The following MECOM variants were observed in gnomAD, a reference collection of about 807,000 sequenced individuals.
MECOM encodes MDS1 and EVI1 complex locus.
A neutral mutation model predicts 116.3 loss-of-function variants in MECOM; 13 were observed. The observed-to-expected ratio is 0.11, with a 90% CI of 0.07 to 0.18. The LOEUF is 0.18. Among genes scored for constraint, MECOM ranks in the 10% least tolerant of loss-of-function variants. MECOM has a pLI of 1.00. For synonymous variants in MECOM, 528 were observed against 535.2 expected, an observed-to-expected ratio of 0.99 and a Z score of 0.19; for missense variants, 1,299 against 1,509.0, an observed-to-expected ratio of 0.86 and a Z score of 2.31.
At chr3:169,396,669 G>T (rs557720962) in intron 1 of MECOM, among the ~76,000 whole-genome samples, 1 of 152,248 alleles carries the variant, frequency 6.6e-6, no homozygotes, top group African/African-American at 2.4e-5. Context: ...ATGACACCAA[G>T]TTATATTAAG....
At chr3:169,257,936 A>G (rs1757046716) in intron 2 of MECOM, among the ~76,000 whole-genome samples, 1 of 152,242 alleles carries the variant, frequency 6.6e-6, no homozygotes, top group Non-Finnish European at 1.5e-5. Context: ...TGTAAGAAAA[A>G]GTAGCCGGGC....
chr3:169,516,288 C>T (rs576631035), intron 1 of MECOM, among the ~76,000 whole-genome samples: 13 of 152,226 alleles, frequency 8.5e-5, no homozygotes, highest in African/African-American at 2.6e-4. Flanking sequence ...ATAGAAAATA[C>T]GTGAAAAGTT....
intron 1 of MECOM, among the ~76,000 whole-genome samples, chr3:169,517,727 CAAGAAGAGA>C (rs1313015066): frequency 6.6e-6 from 1 of 152,148 alleles, no homozygotes; most frequent in African/African-American, 2.4e-5. Context: ...ACTCCCAAAA[CAAGAAGAGA>C]CCAGTGAAAG....
intron 2 of MECOM, among the ~76,000 whole-genome samples, chr3:169,311,986 C>A (rs1040668477): frequency 2.0e-5 from 3 of 152,138 alleles, no homozygotes; most frequent in South Asian, 2.1e-4. Context: ...GGTGATTACA[C>A]AGGAGTAGGT....
chr3:169,085,973 C>G (rs1282767862), intron 16 of MECOM, among the ~76,000 whole-genome samples: 1 of 152,172 alleles, frequency 6.6e-6, no homozygotes, highest in Non-Finnish European at 1.5e-5. Context: ...TCATTAAAGT[C>G]CTGCCAAAGA....
At chr3:169,622,720 T>G (rs1412073803) in intron 1 of MECOM, among the ~76,000 whole-genome samples, 1 of 152,180 alleles carries the variant, frequency 6.6e-6, no homozygotes, top group Non-Finnish European at 1.5e-5. Context: ...CCTGGCACTG[T>G]GTTGGCACCA....
intron 9 of MECOM, among the ~76,000 whole-genome samples, chr3:169,110,555 C>T (rs1259871637): frequency 1.3e-5 from 2 of 152,100 alleles, no homozygotes; most frequent in African/African-American, 2.4e-5. Context: ...CTGTAATAGT[C>T]GGTAAATAGC....
At chr3:169,537,853 TG>T (rs1162259580) in intron 1 of MECOM, among the ~76,000 whole-genome samples, 1 of 152,178 alleles carries the variant, frequency 6.6e-6, no homozygotes, top group Non-Finnish European at 1.5e-5. Context: ...TTGATAATAC[TG>T]GGATTTAACA....
Position 169,114,669 on chromosome 3 carries a change from C to T in MECOM, c.2489+714G>A, listed in dbSNP as rs147167057. ...GTAACAAACATATTATTATTCATAC[C>T]CATTTAAAGAAAACTAGTATTTTAA... is the stretch of plus-strand genomic sequence containing the variant. On this transcript the variant is annotated intron_variant, in intron 8 of 16. Coordinates refer to ENST00000651503, the MANE Select transcript of MECOM (RefSeq NM_004991.4). 6.6e-5 allele frequency among the ~76,000 whole-genome samples: 10 copies of T among 151,704 alleles called. No homozygotes were observed. In the East Asian group the frequency reaches 1.9e-3, roughly 29 times the overall value.
chr3:169,277,985 G>A (rs1759823613), intron 2 of MECOM, among the ~76,000 whole-genome samples: 1 of 152,086 alleles, frequency 6.6e-6, no homozygotes, highest in African/African-American at 2.4e-5. Context: ...TTTCTAAAGT[G>A]GACCAACTTA....
At chr3:169,298,549 A>C (rs1716080689) in intron 2 of MECOM, among the ~76,000 whole-genome samples, 1 of 152,090 alleles carries the variant, frequency 6.6e-6, no homozygotes, top group Admixed American at 6.6e-5. Context: ...ATTAGTATTT[A>C]ATTCAAATCA....
At chr3:169,655,784 G>A (rs1234433421) in intron 1 of MECOM, among the ~76,000 whole-genome samples, 4 of 151,514 alleles carry the variant, frequency 2.6e-5, no homozygotes, top group Non-Finnish European at 5.9e-5. Context: ...AAACAGGAGG[G>A]GAAAAAAAAG....
At chr3:169,087,582 G>T (rs1157225303) in intron 16 of MECOM, among the ~76,000 whole-genome samples, 1 of 152,126 alleles carries the variant, frequency 6.6e-6, no homozygotes, top group African/African-American at 2.4e-5. Flanking sequence ...TAGCAGCTGA[G>T]TGAGACCCTG....
intron 1 of MECOM, chr3:169,473,055 A>C: frequency 4.3e-6 from 3 of 704,344 alleles, no homozygotes; most frequent in Non-Finnish European, 5.2e-6. Flanking sequence ...ATTAGCATCC[A>C]ACAGTCTCCT....
intron 1 of MECOM, among the ~76,000 whole-genome samples, chr3:169,592,192 A>G (rs1766504732): frequency 6.6e-6 from 1 of 152,106 alleles, no homozygotes; most frequent in South Asian, 2.1e-4. Context: ...TAGAAACCCA[A>G]ACAAAACACT....
chr3:169,386,776 G>A (rs1280991661), intron 1 of MECOM, among the ~76,000 whole-genome samples: 1 of 152,062 alleles, frequency 6.6e-6, no homozygotes, highest in Non-Finnish European at 1.5e-5. Context: ...AGTGGGTATT[G>A]ACAGATTGCT....
chr3:169,623,190 T>C (rs527642101), intron 1 of MECOM, among the ~76,000 whole-genome samples: 28 of 152,210 alleles, frequency 1.8e-4, no homozygotes, highest in Admixed American at 6.5e-5. Context: ...TCATTCTACA[T>C]TGAACCTACG....
intron 1 of MECOM, among the ~76,000 whole-genome samples, chr3:169,632,735 T>C (rs1772243064): frequency 6.6e-6 from 1 of 152,256 alleles, no homozygotes; most frequent in South Asian, 2.1e-4. Context: ...CTCAAATTCT[T>C]CATGAAATTC....
intron 1 of MECOM, among the ~76,000 whole-genome samples, chr3:169,563,577 A>G (rs1762902232): frequency 6.6e-6 from 1 of 152,158 alleles, no homozygotes; most frequent in Non-Finnish European, 1.5e-5. Flanking sequence ...GAGCAAATCT[A>G]CTGAAAGATT....
Sources: gnomAD v4.1 joint callset for allele counts (sites outside exome capture counted in the v4.1 genomes callset) on GRCh38, gnomAD v4.1.1 for gene constraint, MANE v1.5 for transcripts, NCBI Gene and HGNC (gene_info 2026-07-23, HGNC 2026-07-21) for gene names.